ASCC1: variants seen among roughly 807,000 people sequenced by gnomAD.
The protein encoded by ASCC1 is activating signal cointegrator 1 complex subunit 1.
A neutral mutation model predicts 46.6 loss-of-function variants in ASCC1; 35 were observed. The ratio of observed to expected loss-of-function variants is 0.75; its 90% CI spans 0.57 to 0.99. ASCC1 has a LOEUF of 0.99. ASCC1 is among the 50% of genes least tolerant of loss of function. The pLI is 0.00. For missense variants in ASCC1, 376 were observed against 428.7 expected (o/e 0.88, Z 1.09); for synonymous variants, 143 against 146.6 (o/e 0.98, Z 0.18).
At chr10:72,139,403 C>G (rs111638361) in intron 7 of ASCC1, among the ~76,000 whole-genome samples, 6,373 of 152,216 alleles carry the variant, frequency 0.042, 472 homozygotes, top group African/African-American at 0.14. Context: ...GTGTGAGCCA[C>G]GGCACCCAGC....
chr10:72,115,053 A>T (rs1440448012), intron 9 of ASCC1, among the ~76,000 whole-genome samples: 3 of 152,246 alleles, frequency 2.0e-5, no homozygotes, highest in African/African-American at 7.2e-5. Context: ...TCTTGGTTAG[A>T]GGGCCATAAA....
chr10:72,211,683 C>T (rs894940367), intron 2 of ASCC1, among the ~76,000 whole-genome samples: 3 of 151,952 alleles, frequency 2.0e-5, no homozygotes, highest in African/African-American at 7.3e-5. Flanking sequence ...ATTAGCCAGG[C>T]ATGGTGGTGT....
rs775289368 is a variant in ASCC1, at chr10:72,194,683, A to C, written c.489+2128T>G. ...CCATATAATAGAACAGTAGGTAGCCATTACGAAACCAAATCACCTGAACAG... is the reference window on the plus strand; with the variant it reads ...CCATATAATAGAACAGTAGGTAGCCCTTACGAAACCAAATCACCTGAACAG... On this transcript the variant is annotated intron_variant, in intron 5 of 9. Coordinates refer to ENST00000672957, the MANE Select transcript of ASCC1 (RefSeq NM_001198800.3). Among the ~76,000 whole-genome samples the C allele has an allele frequency of 2.0e-5, 3 of 152,226 alleles. No individual in the cohort carries two copies. The South Asian group carries it at 6.2e-4, about 32-fold the overall frequency.
chr10:72,126,630 G>C (rs1049624674), intron 9 of ASCC1, among the ~76,000 whole-genome samples: 1 of 152,148 alleles, frequency 6.6e-6, no homozygotes, highest in Non-Finnish European at 1.5e-5. Context: ...AGTTGGCTTT[G>C]AGCCATTCCT....
chr10:72,123,946 A>C (rs575348289), intron 9 of ASCC1, among the ~76,000 whole-genome samples: 2 of 152,328 alleles, frequency 1.3e-5, no homozygotes, highest in Non-Finnish European at 2.9e-5. Flanking sequence ...TATTTCAGCA[A>C]AAAAGAATAA....
At chr10:72,136,615 G>A (rs1015744616) in intron 7 of ASCC1, among the ~76,000 whole-genome samples, 4 of 152,184 alleles carry the variant, frequency 2.6e-5, no homozygotes, top group Non-Finnish European at 4.4e-5. Context: ...AATAAAAGCT[G>A]GCCACCCAAG....
At chr10:72,203,363 G>T (rs1226550481) in intron 4 of ASCC1, 64 bp downstream of exon 4, 11 of 1,168,078 alleles carry the variant, frequency 9.4e-6, no homozygotes, top group Non-Finnish European at 1.4e-5. Context: ...ACTGCAGTTG[G>T]TTACATTATT....
intron 6 of ASCC1, among the ~76,000 whole-genome samples, chr10:72,159,921 T>C (rs1468341842): frequency 2.0e-5 from 3 of 150,616 alleles, no homozygotes; most frequent in African/African-American, 7.3e-5. Flanking sequence ...TTTTTTTTTT[T>C]TGAGATGGAG....
At chr10:72,118,865 T>A (rs1005901595) in intron 9 of ASCC1, among the ~76,000 whole-genome samples, 4 of 152,244 alleles carry the variant, frequency 2.6e-5, no homozygotes, top group African/African-American at 9.6e-5. Context: ...TATCTTTTTT[T>A]AAAAGCTACA....
chr10:72,204,236 C>T (rs549660646), intron 3 of ASCC1, among the ~76,000 whole-genome samples: 4 of 152,192 alleles, frequency 2.6e-5, no homozygotes, highest in South Asian at 2.1e-4. Flanking sequence ...GCGACAAGAA[C>T]GAGACTCTGC....
chr10:72,143,340 A>C (rs1310668027), intron 7 of ASCC1, among the ~76,000 whole-genome samples: 1 of 151,942 alleles, frequency 6.6e-6, no homozygotes, highest in Non-Finnish European at 1.5e-5. Flanking sequence ...CTGATTTTAC[A>C]GTCAATCACC....
intron 6 of ASCC1, among the ~76,000 whole-genome samples, chr10:72,157,044 C>T (rs1302695986): frequency 1.3e-5 from 2 of 152,136 alleles, no homozygotes; most frequent in African/African-American, 4.8e-5. Context: ...TGGGCTCAAG[C>T]AATCCTTCCA....
At chr10:72,155,843 GA>G (rs772435914) in intron 6 of ASCC1, among the ~76,000 whole-genome samples, 8 of 152,110 alleles carry the variant, frequency 5.3e-5, no homozygotes, top group Non-Finnish European at 1.2e-4. Flanking sequence ...ACCCCAAGGG[GA>G]TAGGCACTTT....
intron 9 of ASCC1, among the ~76,000 whole-genome samples, chr10:72,118,366 C>CA (rs113494072): frequency 0.045 from 3,564 of 78,500 alleles, 49 homozygotes; most frequent in Non-Finnish European, 0.063. Context: ...GACTCCATCT[C>CA]AAAAAAAAAA....
At chr10:72,165,899 C>A (rs1417558218) in intron 5 of ASCC1, among the ~76,000 whole-genome samples, 1 of 152,216 alleles carries the variant, frequency 6.6e-6, no homozygotes, top group African/African-American at 2.4e-5. Context: ...TGCTCCCCAG[C>A]AATAACGGTA....
At chr10:72,190,975 G>A (rs1168530970) in intron 5 of ASCC1, among the ~76,000 whole-genome samples, 6 of 122,238 alleles carry the variant, frequency 4.9e-5, no homozygotes, top group East Asian at 2.3e-4. Flanking sequence ...CAGCCTTGGC[G>A]ACAGAGCGAG....
chr10:72,175,251 C>A (rs1851722167), intron 5 of ASCC1, among the ~76,000 whole-genome samples: 1 of 152,216 alleles, frequency 6.6e-6, no homozygotes, highest in Non-Finnish European at 1.5e-5. Context: ...ATACTTCTGT[C>A]TCAGGTTTGC....
intron 9 of ASCC1, among the ~76,000 whole-genome samples, chr10:72,119,305 G>A (rs924461144): frequency 6.6e-6 from 1 of 152,240 alleles, no homozygotes; most frequent in South Asian, 2.1e-4. Flanking sequence ...GCCCTCAGGA[G>A]AAACTATTTT....
At chr10:72,178,115 G>C (rs1483299155) in intron 5 of ASCC1, among the ~76,000 whole-genome samples, 2 of 152,206 alleles carry the variant, frequency 1.3e-5, no homozygotes, top group African/African-American at 4.8e-5. Flanking sequence ...TTTAAAGGAA[G>C]AAAGAATTAT....
Sources: allele counts gnomAD v4.1 joint callset (sites outside exome capture counted in the v4.1 genomes callset), GRCh38; gene constraint gnomAD v4.1.1; transcripts MANE v1.5; gene names NCBI Gene and HGNC (gene_info 2026-07-23, HGNC 2026-07-21).